The following ADAMTS20 variants were observed in gnomAD, a reference collection of about 807,000 sequenced individuals.
ADAMTS20 encodes the protein ADAM metallopeptidase with thrombospondin type 1 motif 20, also known as A disintegrin and metalloproteinase with thrombospondin motifs 20.
ADAMTS20 carries 225 observed loss-of-function variants against 260.1 expected under a neutral mutation model. The observed-to-expected ratio is 0.87, with a 90% CI of 0.78 to 0.97. The LOEUF (loss-of-function observed/expected upper bound fraction) is 0.97, where lower values mean the gene tolerates loss of function less well. ADAMTS20 is among the 50% of genes least tolerant of loss of function. The pLI is 0.00. For missense variants in ADAMTS20, 2,400 were observed against 2,337.7 expected, an observed-to-expected ratio of 1.03 and a Z score of -0.55; for synonymous variants, 802 against 769.5, an observed-to-expected ratio of 1.04 and a Z score of -0.70.
chr12:43,456,477 C>T (rs573293531), intron 11 of ADAMTS20, among the ~76,000 whole-genome samples: 2 of 152,242 alleles, frequency 1.3e-5, no homozygotes, highest in East Asian at 3.9e-4. Flanking sequence ...TCTCATAACC[C>T]CGCCCCATGA....
intron 28 of ADAMTS20, chr12:43,423,264 A>T (rs1941268200): frequency 6.4e-6 from 1 of 156,258 alleles, no homozygotes; most frequent in Non-Finnish European, 1.4e-5. Flanking sequence ...ACACGTAAAC[A>T]AATGAGCATG....
In ADAMTS20 at chr12:43,546,920, T is replaced by C. The variant is rs73087900; in HGVS notation, c.453+3989A>G. 4.8e-3 allele frequency among the ~76,000 whole-genome samples: 731 copies of C among 152,282 alleles called. 2 individuals carry two copies. The highest frequency in any genetic ancestry group is 7.8e-3 in the Non-Finnish European group (533 of 68,016). ...GAAAAGATTAGAAAAGCAAGAATTA[T>C]ATACATGTTAAACAAAGAAAATTTC... On this transcript the variant is annotated intron_variant, in intron 2 of 38. Coordinates refer to ENST00000389420, the MANE Select transcript of ADAMTS20 (RefSeq NM_025003.5).
rs1395783192 is a variant in ADAMTS20 at position 43,377,551 on chromosome 12, G to A, written c.4809C>T (p.Asn1603=). 2 of 1,611,120 alleles carry A rather than the reference G, an allele frequency of 1.2e-6. No homozygotes were observed. The highest frequency in any genetic ancestry group is 1.7e-5 in the Admixed American group (1 of 59,830). Residue 1603 remains asparagine, a synonymous_variant, in exon 32 of 39, where the codon AAC becomes AAT. Transcript: ENST00000389420. ...TCCTTTGTCTGTAACTAAATCCACA[G>A]TTGTTTGCACACTGAAAAATACATA... ...VTADSSQCAN[N]CGFSYRQRIT...
rs1469891295 is a variant in ADAMTS20 at position 43,383,925 on chromosome 12, A to G, written c.4505T>C (p.Leu1502Pro). ...TTCAACCACCTGACCAACACCTTTCAGTCTGCAGTATACATCCCTCTGCTG... is the reference window on the plus strand; with the variant it reads ...TTCAACCACCTGACCAACACCTTTCGGTCTGCAGTATACATCCCTCTGCTG... ...GVQQRDVYCR[L>P]KGVGQVVEEM... Residue 1502 changes from leucine (L) to proline (P), a missense_variant, in exon 30 of 39, where the codon CTG (leucine) becomes CCG (proline). By Grantham distance (98) the Leu-to-Pro change is moderately conservative. Coordinates refer to ENST00000389420, the MANE Select transcript of ADAMTS20 (RefSeq NM_025003.5). The G allele has an allele frequency of 7.4e-6, 12 of 1,613,800 alleles. No individual in the cohort carries two copies. Among genetic ancestry groups the G allele is most frequent in the Non-Finnish European group, 1.0e-5 (12 of 1,179,870 alleles).
chr12:43,355,053 A>G (rs544647996), intron 38 of ADAMTS20, among the ~76,000 whole-genome samples: 2 of 152,358 alleles, frequency 1.3e-5, no homozygotes, highest in South Asian at 4.1e-4. Context: ...CTCCTATCAT[A>G]TCTGGAAAAG....
intron 3 of ADAMTS20, among the ~76,000 whole-genome samples, chr12:43,527,503 T>A: frequency 1.3e-5 from 2 of 151,200 alleles, no homozygotes; most frequent in Admixed American, 6.6e-5. Flanking sequence ...TAATCAAGAG[T>A]GTTTCATCCA....
At chr12:43,429,552 C>T in intron 24 of ADAMTS20, 65 bp downstream of exon 24, 2 of 1,110,616 alleles carry the variant, frequency 1.8e-6, no homozygotes, top group Non-Finnish European at 2.6e-6. Flanking sequence ...CTCTAGCAAC[C>T]ATTTTGTTGA....
In ADAMTS20 at chr12:43,551,682, C is replaced by A; in HGVS notation, c.91+149G>T. On this transcript the variant is annotated intron_variant, in intron 1 of 38. Coordinates refer to ENST00000389420, the MANE Select transcript of ADAMTS20 (RefSeq NM_025003.5). This position sits in a 1 kb window ranked among gnomAD's most constrained non-coding sequence, Gnocchi z 4.6. ...CCTCGAAACCCGGCGCAGTCGCGACCTCTCCGGCTGACTGGTCCGGGAGTC... is the reference window on the plus strand; with the variant it reads ...CCTCGAAACCCGGCGCAGTCGCGACATCTCCGGCTGACTGGTCCGGGAGTC... The A allele has an allele frequency of 1.2e-6, 1 of 835,196 alleles. No homozygotes were observed. The highest frequency in any genetic ancestry group is 1.9e-6 in the Non-Finnish European group (1 of 526,960). 51.7% of individuals were successfully genotyped at this position (835,196 alleles called of 1,614,324 possible).
intron 4 of ADAMTS20, among the ~76,000 whole-genome samples, chr12:43,500,163 G>A (rs1015006752): frequency 6.6e-6 from 1 of 151,836 alleles, no homozygotes; most frequent in African/African-American, 2.4e-5. Context: ...CAAGTAGCTG[G>A]GATTACAGGC....
chr12:43,352,830 G>T (rs759133992), downstream of ADAMTS20, among the ~76,000 whole-genome samples: 6 of 152,066 alleles, frequency 3.9e-5, no homozygotes, highest in Non-Finnish European at 7.4e-5. Flanking sequence ...TACATGAAAA[G>T]ATTCCTGGAA....
intron 37 of ADAMTS20, among the ~76,000 whole-genome samples, chr12:43,364,060 T>C (rs547798748): frequency 8.5e-5 from 13 of 152,230 alleles, no homozygotes; most frequent in African/African-American, 2.6e-4. Flanking sequence ...CCTAAGACTA[T>C]TGTTATCCCT....
chr12:43,441,732 G>C (rs1592070919), intron 16 of ADAMTS20, among the ~76,000 whole-genome samples: 2 of 152,180 alleles, frequency 1.3e-5, no homozygotes, highest in Admixed American at 1.3e-4. Flanking sequence ...CTTTTCAATG[G>C]AATAATAACC....
Position 43,429,691 on chromosome 12 carries a change from T to C in ADAMTS20, c.3415A>G (p.Lys1139Glu). 6.3e-7 allele frequency: 1 copy of C among 1,593,094 alleles called. No homozygotes were observed. The highest frequency in any genetic ancestry group is 1.1e-5 in the South Asian group (1 of 87,526). Residue 1139 changes from lysine (K) to glutamate (E), a missense_variant, in exon 24 of 39, where the codon AAA becomes GAA. Physicochemically the swap from Lys to Glu is moderately conservative, Grantham distance 56. Transcript: ENST00000389420. Reference sequence around the variant, plus strand: ...GTTGGTAATAAAGCGGTCTCAAGTTTAGAAATAAATGAGCAAGGTGTAAGT... The same window carrying C: ...GTTGGTAATAAAGCGGTCTCAAGTTCAGAAATAAATGAGCAAGGTGTAAGT... ...CVLTPCSFIS[K>E]LETALLPTVL...
At chr12:43,500,745 ATTCT>A (rs766339572) in intron 4 of ADAMTS20, among the ~76,000 whole-genome samples, 10 of 125,216 alleles carry the variant, frequency 8.0e-5, no homozygotes, top group Non-Finnish European at 1.4e-4. Context: ...GTCTCCATTC[ATTCT>A]TTCAGTAACT....
chr12:43,504,714 C>G (rs1942817093), intron 3 of ADAMTS20, among the ~76,000 whole-genome samples: 1 of 152,096 alleles, frequency 6.6e-6, no homozygotes, highest in Non-Finnish European at 1.5e-5. Context: ...AATAGCACCT[C>G]ATAAAGCTTA....
At chr12:43,538,141 A>G (rs1030341308) in intron 2 of ADAMTS20, among the ~76,000 whole-genome samples, 2 of 152,202 alleles carry the variant, frequency 1.3e-5, no homozygotes, top group African/African-American at 4.8e-5. Flanking sequence ...ACCACAATGT[A>G]CAAGTGTTCC....
At chr12:43,540,020 C>T (rs577293431) in intron 2 of ADAMTS20, among the ~76,000 whole-genome samples, 1 of 152,114 alleles carries the variant, frequency 6.6e-6, no homozygotes, top group Admixed American at 6.5e-5. Context: ...GTAGCTGGGA[C>T]TACAGGCGCT....
intron 14 of ADAMTS20, 61 bp from the exon 15 acceptor site, chr12:43,446,773 G>T (rs750579218): frequency 9.0e-6 from 12 of 1,329,070 alleles, no homozygotes; most frequent in Middle Eastern, 3.6e-4. Flanking sequence ...AAAGAGAGAA[G>T]ATCCAAATAC....
intron 11 of ADAMTS20, among the ~76,000 whole-genome samples, chr12:43,460,988 A>ATATATATATTTTTT: frequency 1.9e-4 from 5 of 26,392 alleles, no homozygotes; most frequent in South Asian, 2.7e-3. Context: ...ATATATATAT[A>ATATATATATTTTTT]TTTTTTTTTT....
Sources: allele counts gnomAD v4.1 joint callset (sites outside exome capture counted in the v4.1 genomes callset), GRCh38; gene constraint gnomAD v4.1.1; non-coding constraint Gnocchi (gnomAD v3.1); transcripts MANE v1.5; gene names NCBI Gene and HGNC (gene_info 2026-07-23, HGNC 2026-07-21).